The following PRDX6 variants were observed in gnomAD, a reference collection of about 807,000 sequenced individuals.
PRDX6 encodes peroxiredoxin-6.
Under a neutral mutation model 20.0 loss-of-function variants are expected in PRDX6, and 13 were observed. The observed-to-expected ratio is 0.65, with a 90% CI of 0.42 to 1.03. The LOEUF (loss-of-function observed/expected upper bound fraction) is 1.03. Ranked by LOEUF, PRDX6 falls within the 50% of genes least tolerant of loss-of-function variation. PRDX6 has a pLI of 0.00. For synonymous variants in PRDX6, 85 were observed against 100.8 expected (o/e 0.84, Z 0.94); for missense variants, 203 against 276.9 (o/e 0.73, Z 1.89).
chr1:173,480,089 C>T (rs1658776235), intron 1 of PRDX6, among the ~76,000 whole-genome samples: 1 of 152,198 alleles, frequency 6.6e-6, no homozygotes, highest in South Asian at 2.1e-4. Flanking sequence ...AAAAGATATA[C>T]TCTATGTTCT....
At chr1:173,486,988 T>C (rs190566943) in intron 4 of PRDX6, among the ~76,000 whole-genome samples, 1 of 152,352 alleles carries the variant, frequency 6.6e-6, no homozygotes, top group Non-Finnish European at 1.5e-5. Flanking sequence ...AAATTCTGTA[T>C]CCACTAGTTA....
intron 1 of PRDX6, among the ~76,000 whole-genome samples, chr1:173,478,110 T>C (rs73025459): frequency 0.017 from 2,562 of 152,290 alleles, 65 homozygotes; most frequent in African/African-American, 0.058. Flanking sequence ...AATGTGAAAT[T>C]TAAAACCACT....
intron 1 of PRDX6, among the ~76,000 whole-genome samples, chr1:173,479,507 G>T (rs1658766751): frequency 6.6e-6 from 1 of 152,162 alleles, no homozygotes; most frequent in Non-Finnish European, 1.5e-5. Flanking sequence ...AACTAAAGAG[G>T]TTGGGTGCTA....
At chr1:173,486,215 C>T (rs1314366743) in intron 3 of PRDX6, 40 bp from the exon 4 acceptor site, 4 of 1,532,802 alleles carry the variant, frequency 2.6e-6, no homozygotes, top group African/African-American at 2.8e-5. Flanking sequence ...TAATAACACT[C>T]AAAGAACTCT....
intron 2 of PRDX6, 142 bp from the exon 3 acceptor site, chr1:173,485,219 C>T (rs1200056688): frequency 1.3e-6 from 1 of 742,226 alleles, no homozygotes; most frequent in African/African-American, 1.8e-5. Context: ...CATCTACTCA[C>T]TTTTTAAAAT....
intron 2 of PRDX6, among the ~76,000 whole-genome samples, chr1:173,482,161 C>CTT (rs932755917): frequency 2.6e-5 from 4 of 152,192 alleles, no homozygotes; most frequent in Admixed American, 1.3e-4. Flanking sequence ...TATCCTCAAA[C>CTT]TTGTCAGCTC....
intron 1 of PRDX6, among the ~76,000 whole-genome samples, chr1:173,479,164 G>T (rs1285943623): frequency 6.6e-6 from 1 of 151,990 alleles, no homozygotes; most frequent in Non-Finnish European, 1.5e-5. Flanking sequence ...TACTTTTTTG[G>T]GGTTTTGTTA....
intron 4 of PRDX6, among the ~76,000 whole-genome samples, chr1:173,487,382 A>G (rs1658918954): frequency 6.6e-6 from 1 of 152,202 alleles, no homozygotes; most frequent in Non-Finnish European, 1.5e-5. Flanking sequence ...AAGGAAAGCT[A>G]GCATGCTTGG....
chr1:173,485,113 A>G (rs2101859234), intron 2 of PRDX6, among the ~76,000 whole-genome samples: 1 of 152,342 alleles, frequency 6.6e-6, no homozygotes, highest in South Asian at 2.1e-4. Context: ...TGCTGAATTT[A>G]AGAGAACTGG....
Position 173,477,621 on chromosome 1 carries a change from C to G in PRDX6, c.95+129C>G. On this transcript the variant is annotated intron_variant, in intron 1 of 4. Transcript: ENST00000340385. ...TGCGCCGCCCTCGCCTTCCCCCGCA[C>G]TGGTTCCGGCGCGCGCCAGGCCGTG... 8.0e-6 allele frequency: 6 copies of G among 751,520 alleles called. No individual in the cohort carries two copies. In the South Asian group the frequency reaches 1.1e-4, roughly 13 times the overall value. The allele number at this position is 751,520 out of a possible 1,614,324, so 46.6% of individuals were successfully genotyped here. A position where few individuals can be genotyped will look rare whatever the true frequency, so the allele number is the denominator to read the frequency against.
chr1:173,483,975 G>A (rs1016190767), intron 2 of PRDX6, among the ~76,000 whole-genome samples: 3 of 151,192 alleles, frequency 2.0e-5, no homozygotes, highest in African/African-American at 7.3e-5. Flanking sequence ...GTGGTGGCGG[G>A]TGCCTGTAAT....
At chr1:173,483,709 A>G (rs1242348909) in intron 2 of PRDX6, among the ~76,000 whole-genome samples, 2 of 152,154 alleles carry the variant, frequency 1.3e-5, no homozygotes, top group Admixed American at 6.5e-5. Flanking sequence ...CGTTATTCCA[A>G]TTTTAAATCC....
chr1:173,487,056 T>G (rs1419673001), intron 4 of PRDX6, among the ~76,000 whole-genome samples: 3 of 152,192 alleles, frequency 2.0e-5, no homozygotes, highest in African/African-American at 7.2e-5. Context: ...ACTGGGGAGA[T>G]AGCAGTGAAT....
intron 2 of PRDX6, among the ~76,000 whole-genome samples, chr1:173,483,534 G>C (rs1033237236): frequency 4.6e-5 from 7 of 152,000 alleles, no homozygotes; most frequent in African/African-American, 1.4e-4. Context: ...CTGGGCAACA[G>C]AGACTCCACC....
In PRDX6 at chr1:173,488,475, A is replaced by G. The variant is rs181078869; in HGVS notation, c.*612A>G. ...TTTTAATTCTATACCTTCCTAGTAG[A>G]TAAGTGAAGAGCAGGGAAAGAGACC... On this transcript the variant is annotated 3_prime_UTR_variant, in exon 5 of 5. Coordinates refer to ENST00000340385, the MANE Select transcript of PRDX6 (RefSeq NM_004905.3). 1 of 152,346 alleles carries G rather than the reference A, an allele frequency of 6.6e-6. No homozygotes were observed. The highest frequency in any genetic ancestry group is 2.4e-5 in the African/African-American group (1 of 41,578). 9.4% of individuals were successfully genotyped at this position (152,346 alleles called of 1,614,324 possible).
rs112926420 is a variant in PRDX6 at position 173,488,238 on chromosome 1, G to C, written c.*375G>C. The C allele has an allele frequency of 8.6e-3, 1,389 of 161,948 alleles. 19 individuals carry two copies. Among genetic ancestry groups the C allele is most frequent in the African/African-American group, 0.03 (1,269 of 41,768 alleles). 10.0% of individuals were successfully genotyped at this position (161,948 alleles called of 1,614,324 possible). ...AATTTTTTTTTAACTGTCCTATCAC[G>C]TCCTCTCCTGTCACCCATTTTGAAG... On this transcript the variant is annotated 3_prime_UTR_variant, in exon 5 of 5. Transcript: ENST00000340385.
intron 2 of PRDX6, among the ~76,000 whole-genome samples, chr1:173,483,292 C>T (rs1033552019): frequency 6.6e-6 from 1 of 152,084 alleles, no homozygotes; most frequent in Non-Finnish European, 1.5e-5. Context: ...GAAGCAGTGC[C>T]GCAACTTTGA....
At chr1:173,481,830 C>G (rs996024164) in intron 2 of PRDX6, 5 of 227,630 alleles carry the variant, frequency 2.2e-5, no homozygotes, top group African/African-American at 1.1e-4. Flanking sequence ...GAACTTATTT[C>G]TTGGACCTCA....
intron 1 of PRDX6, among the ~76,000 whole-genome samples, chr1:173,479,228 A>G (rs1438390540): frequency 1.3e-5 from 2 of 152,208 alleles, no homozygotes; most frequent in African/African-American, 2.4e-5. Context: ...GTACTTTATC[A>G]GGGAGCCATA....
Sources: gnomAD v4.1 joint callset for allele counts (sites outside exome capture counted in the v4.1 genomes callset) on GRCh38, gnomAD v4.1.1 for gene constraint, MANE v1.5 for transcripts, NCBI Gene and HGNC (gene_info 2026-07-23, HGNC 2026-07-21) for gene names.